Variants in BDKRB1 observed in about 807,000 individuals in gnomAD.
BDKRB1 encodes the protein B1 bradykinin receptor.
For missense variants in BDKRB1, 414 were observed against 441.4 expected (o/e 0.94, Z 0.56); for synonymous variants, 192 against 189.1 (o/e 1.02, Z -0.13).
chr14:96,260,712 A>G (rs562862324), intron 1 of BDKRB1, among the ~76,000 whole-genome samples: 27 of 152,264 alleles, frequency 1.8e-4, no homozygotes, highest in African/African-American at 4.8e-4. Flanking sequence ...ACAACCACCA[A>G]ATCATAATTT....
Position 96,264,122 on chromosome 14 carries a change from G to A in BDKRB1, c.440G>A (p.Arg147Lys). The A allele has an allele frequency of 6.3e-7, 1 of 1,594,756 alleles. No homozygotes were observed. Among genetic ancestry groups the A allele is most frequent in the Non-Finnish European group, 8.5e-7 (1 of 1,169,972 alleles). Reference sequence around the variant, plus strand: ...CTGGTGCACCCTATGGCCAGCCGGAGGCAGCAGCGGCGGAGGCAGGCCCGG... The same window carrying A: ...CTGGTGCACCCTATGGCCAGCCGGAAGCAGCAGCGGCGGAGGCAGGCCCGG... ...RVLVHPMASR[R>K]QQRRRQARVT... is the part of the protein sequence containing the mutation. Residue 147 changes from arginine (R) to lysine (K), a missense_variant, in exon 3 of 3, where the codon AGG becomes AAG. Transcript: ENST00000216629.
Position 96,263,707 on chromosome 14 carries a change from G to C in BDKRB1, c.25G>C (p.Glu9Gln). The stretch of plus-strand genomic sequence containing the variant: ...CATGGCATCATCCTGGCCCCCTCTA[G>C]AGCTCCAATCCTCCAACCAGAGCCA... MASSWPPL[E>Q]LQSSNQSQLF... Residue 9 changes from glutamate (E) to glutamine (Q), a missense_variant, in exon 3 of 3, where the codon GAG (glutamate) becomes CAG (glutamine). Transcript: ENST00000216629. 1 of 1,613,904 alleles carries C rather than the reference G, an allele frequency of 6.2e-7. No homozygotes were observed. Among genetic ancestry groups the C allele is most frequent in the Non-Finnish European group, 8.5e-7 (1 of 1,179,880 alleles).
intron 1 of BDKRB1, among the ~76,000 whole-genome samples, 154 bp from the exon 2 acceptor site, chr14:96,262,498 T>G (rs1416918575): frequency 6.6e-6 from 1 of 152,172 alleles, no homozygotes; most frequent in Non-Finnish European, 1.5e-5. Flanking sequence ...ACACTTAGAA[T>G]GGCGCCTGGA....
intron 1 of BDKRB1, among the ~76,000 whole-genome samples, chr14:96,262,257 C>T (rs1452059804): frequency 2.0e-5 from 3 of 152,172 alleles, no homozygotes; most frequent in Non-Finnish European, 4.4e-5. Flanking sequence ...TCATTCATCG[C>T]GTGGGGACAG....
chr14:96,261,940 C>T (rs1382023144), intron 1 of BDKRB1, among the ~76,000 whole-genome samples: 1 of 152,272 alleles, frequency 6.6e-6, no homozygotes, highest in African/African-American at 2.4e-5. Flanking sequence ...CTGGGAGATG[C>T]AGTCCTCCCT....
intron 1 of BDKRB1, 38 bp from the exon 2 acceptor site, chr14:96,262,606 CTTTTTTTT>C: frequency 1.3e-5 from 4 of 308,766 alleles, no homozygotes; most frequent in East Asian, 9.8e-5. Context: ...TCTCTCTCTC[CTTTTTTTT>C]TTTTTTTTTT....
At chr14:96,262,510 C>CGTCTGTGTTCCATT (rs1186268634) in intron 1 of BDKRB1, 142 bp from the exon 2 acceptor site, 1 of 365,438 alleles carries the variant, frequency 2.7e-6, no homozygotes, top group Non-Finnish European at 5.2e-6. Context: ...GCGCCTGGAA[C>CGTCTGTGTTCCATT]ACAGACCATT....
At chr14:96,259,206 A>G (rs1164606691) in intron 1 of BDKRB1, among the ~76,000 whole-genome samples, 5 of 152,218 alleles carry the variant, frequency 3.3e-5, no homozygotes, top group Non-Finnish European at 5.9e-5. Flanking sequence ...CTGATTTGGA[A>G]CAAAATTCAA....
rs145178092 is a variant in BDKRB1 at position 96,264,031 on chromosome 14, A to G, written c.349A>G (p.Ile117Val). 6.2e-7 allele frequency: 1 copy of G among 1,614,032 alleles called. No homozygotes were observed. The highest frequency in any genetic ancestry group is 8.5e-7 in the Non-Finnish European group (1 of 1,179,944). Reference protein sequence around the residue: ...ALLCRVINGVIKANLFISIFL... With the variant: ...ALLCRVINGVVKANLFISIFL... ...CCTCTGCCGTGTCATCAACGGGGTCATCAAGGCCAATTTGTTCATCAGCAT... is the reference window on the plus strand; with the variant it reads ...CCTCTGCCGTGTCATCAACGGGGTCGTCAAGGCCAATTTGTTCATCAGCAT... Residue 117 changes from isoleucine to valine, a missense_variant, in exon 3 of 3, where the codon ATC (isoleucine) becomes GTC (valine). Coordinates refer to ENST00000216629, the MANE Select transcript of BDKRB1 (RefSeq NM_000710.4).
chr14:96,262,299 G>A (rs1176574522), intron 1 of BDKRB1, among the ~76,000 whole-genome samples: 7 of 152,298 alleles, frequency 4.6e-5, no homozygotes, highest in Admixed American at 1.3e-4. Context: ...AGAAGCACAG[G>A]ATCTCAATCA....
intron 1 of BDKRB1, among the ~76,000 whole-genome samples, chr14:96,257,725 C>T (rs1885648619): frequency 6.6e-6 from 1 of 152,206 alleles, no homozygotes; most frequent in Non-Finnish European, 1.5e-5. Context: ...ACCTCAGCTT[C>T]CTGGCCATCA....
intron 1 of BDKRB1, among the ~76,000 whole-genome samples, chr14:96,257,559 A>G (rs61982614): frequency 0.25 from 38,242 of 152,052 alleles, 5,532 homozygotes; most frequent in Non-Finnish European, 0.34. Flanking sequence ...CAGCCAAACC[A>G]TATCAGTGCT....
chr14:96,256,267 A>G lies in BDKRB1; in HGVS notation c.-163A>G, dbSNP rs1317187334. 6.6e-6 allele frequency: 1 copy of G among 152,126 alleles called. No homozygotes were observed. The highest frequency in any genetic ancestry group is 1.5e-5 in the Non-Finnish European group (1 of 68,036). The allele number at this position is 152,126 out of a possible 1,614,324, so 9.4% of individuals were successfully genotyped here. A position where few individuals can be genotyped will look rare whatever the true frequency, so the allele number is the denominator to read the frequency against. On this transcript the variant is annotated 5_prime_UTR_variant, in exon 1 of 3. Coordinates refer to ENST00000216629, the MANE Select transcript of BDKRB1 (RefSeq NM_000710.4). Reference sequence around the variant, plus strand: ...GCAGCTCTCACTATCAGAAAACCCAACTACAGTTGTGAACGCCTTCATTTT... The same window carrying G: ...GCAGCTCTCACTATCAGAAAACCCAGCTACAGTTGTGAACGCCTTCATTTT...
chr14:96,263,858 T>C lies in BDKRB1; in HGVS notation c.176T>C (p.Leu59Pro), dbSNP rs1885817330. Residue 59 changes from leucine to proline, a missense_variant, in exon 3 of 3, where the codon CTG (leucine) becomes CCG (proline). Coordinates refer to ENST00000216629, the MANE Select transcript of BDKRB1 (RefSeq NM_000710.4). ...GGCCTCCTAGGGAACCTTTTTGTCC[T>C]GTTGGTCTTCCTCCTGCCCCGGCGG... ...FFGLLGNLFV[L>P]LVFLLPRRQL... The C allele has an allele frequency of 2.5e-6, 4 of 1,614,212 alleles. No homozygotes were observed. The highest frequency in any genetic ancestry group is 3.4e-6 in the Non-Finnish European group (4 of 1,180,032).
rs904212172 is a variant in BDKRB1, at chr14:96,264,096, G to A, written c.414G>A (p.Val138=). ...CCATCAGCCAGGACCGCTACCGCGT[G>A]CTGGTGCACCCTATGGCCAGCCGGA... is the stretch of plus-strand genomic sequence containing the variant. ...VVAISQDRYR[V]LVHPMASRRQ... The change falls in exon 3 of 3, where the codon GTG becomes GTA. Residue 138 remains valine (V), a synonymous_variant. Coordinates refer to ENST00000216629, the MANE Select transcript of BDKRB1 (RefSeq NM_000710.4). 1 of 1,603,634 alleles carries A rather than the reference G, an allele frequency of 6.2e-7. No homozygotes were observed. Among genetic ancestry groups the A allele is most frequent in the Admixed American group, 1.7e-5 (1 of 59,478 alleles).
intron 1 of BDKRB1, among the ~76,000 whole-genome samples, chr14:96,257,408 T>C (rs1400860474): frequency 6.6e-6 from 1 of 152,172 alleles, no homozygotes; most frequent in Non-Finnish European, 1.5e-5. Context: ...GAGTTCAAAC[T>C]CAGTCTCGCT....
At chr14:96,259,887 G>C (rs1313240274) in intron 1 of BDKRB1, 1 of 152,172 alleles carries the variant, frequency 6.6e-6, no homozygotes, top group East Asian at 1.9e-4. Context: ...ACGTGCACAA[G>C]AAAAGCTGGA....
intron 1 of BDKRB1, chr14:96,259,264 G>C (rs1417189357): frequency 1.3e-5 from 2 of 151,846 alleles, no homozygotes; most frequent in Non-Finnish European, 2.9e-5. Flanking sequence ...AACATTTTAG[G>C]ATGCTGAGAC....
rs8004609 is a variant in BDKRB1, at chr14:96,264,632, G to A, written c.950G>A (p.Arg317Gln). Residue 317 changes from arginine (R) to glutamine (Q), a missense_variant, in exon 3 of 3, where the codon CGG becomes CAG. Transcript: ENST00000216629. The part of the protein sequence containing the change: ...LNPVIYVFVG[R>Q]LFRTKVWELY... ...CCAGTAATTTATGTCTTTGTGGGCCGGCTCTTCAGGACCAAGGTCTGGGAA... is the reference window on the plus strand; with the variant it reads ...CCAGTAATTTATGTCTTTGTGGGCCAGCTCTTCAGGACCAAGGTCTGGGAA... 6,265 of 1,614,120 alleles carry A rather than the reference G, an allele frequency of 3.9e-3. 183 individuals carry two copies. In the African/African-American group the frequency reaches 0.069, roughly 18 times the overall value.
Sources: allele counts gnomAD v4.1 joint callset (sites outside exome capture counted in the v4.1 genomes callset), GRCh38; gene constraint gnomAD v4.1.1; transcripts MANE v1.5; gene names NCBI Gene and HGNC (gene_info 2026-07-23, HGNC 2026-07-21).